Variants in SLC25A25 observed in about 807,000 individuals in gnomAD.
SLC25A25 encodes solute carrier family 25 member 25, also known as mitochondrial adenyl nucleotide antiporter SLC25A25.
Under a neutral mutation model 57.7 loss-of-function variants are expected in SLC25A25, and 32 were observed. The ratio of observed to expected loss-of-function variants is 0.55; its 90% CI spans 0.42 to 0.74. The LOEUF (loss-of-function observed/expected upper bound fraction) is 0.74, where lower values mean the gene tolerates loss of function less well. Among genes scored for constraint, SLC25A25 ranks in the 30% least tolerant of loss-of-function variants. The probability of loss-of-function intolerance (pLI) is 0.00; values close to 1 mark genes in which losing one functional copy is unlikely to be tolerated. For synonymous variants in SLC25A25, 306 were observed against 291.2 expected (o/e 1.05, Z -0.52); for missense variants, 556 against 701.3 (o/e 0.79, Z 2.34).
intron 1 of SLC25A25, among the ~76,000 whole-genome samples, chr9:128,084,260 ATTTTTTTTT>A (rs58266648): frequency 7.1e-6 from 1 of 140,310 alleles, no homozygotes; most frequent in Non-Finnish European, 1.5e-5. Context: ...ATTAAAACAG[ATTTTTTTTT>A]TTTTTTTTTT....
chr9:128,096,401 C>T (rs1833558889), intron 1 of SLC25A25, among the ~76,000 whole-genome samples: 1 of 152,054 alleles, frequency 6.6e-6, no homozygotes, highest in South Asian at 2.1e-4. Flanking sequence ...CTCAACTACT[C>T]GGGAGGCTGA....
In SLC25A25 at chr9:128,076,437, T is replaced by TA. The variant is rs1441309819; in HGVS notation, c.261+7857_261+7858insA. Among the ~76,000 whole-genome samples the TA allele has an allele frequency of 4.5e-3, 619 of 137,274 alleles. 16 individuals carry two copies. The highest frequency in any genetic ancestry group is 0.023 in the East Asian group (115 of 4,968). 90.1% of individuals were successfully genotyped at this position (137,274 alleles called of 152,430 possible). ...TGAGCCACCACGCCCAGCCTAACTTTTTTTTTATTTTTATTTTTATTTTTA... is the reference window on the plus strand; with the variant it reads ...TGAGCCACCACGCCCAGCCTAACTTTATTTTTTATTTTTATTTTTATTTTTA... On this transcript the variant is annotated intron_variant, in intron 1 of 10. Coordinates refer to ENST00000373069, the MANE Select transcript of SLC25A25 (RefSeq NM_001330988.2).
chr9:128,090,591 A>G (rs1395919106), intron 1 of SLC25A25, among the ~76,000 whole-genome samples: 1 of 150,734 alleles, frequency 6.6e-6, no homozygotes, highest in Admixed American at 6.6e-5. Flanking sequence ...TGGATGGATC[A>G]CTTGAGGTCA....
intron 1 of SLC25A25, among the ~76,000 whole-genome samples, chr9:128,096,402 G>A (rs901163929): frequency 2.0e-5 from 3 of 152,114 alleles, no homozygotes; most frequent in African/African-American, 4.8e-5. Flanking sequence ...TCAACTACTC[G>A]GGAGGCTGAG....
chr9:128,099,607 AG>A lies in SLC25A25; in HGVS notation c.262-1487del, dbSNP rs539079064. Among the ~76,000 whole-genome samples the A allele has an allele frequency of 1.3e-5, 2 of 152,228 alleles. No homozygotes were observed. Among genetic ancestry groups the A allele is most frequent in the African/African-American group, 4.8e-5 (2 of 41,458 alleles). ...CTTGTCTGAGAGCACAGATGTCCAC[AG>A]GAAGTTAAATGTAACCTCAGCAGAT... On this transcript the variant is annotated intron_variant, in intron 1 of 10. Transcript: ENST00000373069. The surrounding 1 kb of genome is among the most constrained non-coding windows in gnomAD (Gnocchi z 6.8).
intron 1 of SLC25A25, among the ~76,000 whole-genome samples, chr9:128,082,570 T>G (rs1833178143): frequency 6.6e-6 from 1 of 152,332 alleles, no homozygotes; most frequent in East Asian, 1.9e-4. Context: ...GTCTTCAAAC[T>G]CTTGACTCCT....
intron 6 of SLC25A25, among the ~76,000 whole-genome samples, chr9:128,104,477 A>C (rs958155701): frequency 1.3e-5 from 2 of 152,222 alleles, no homozygotes; most frequent in Non-Finnish European, 2.9e-5. Flanking sequence ...TCAGGGCAGA[A>C]TGCCTCGGGC....
At chr9:128,070,964 A>G (rs1381622309) in intron 1 of SLC25A25, among the ~76,000 whole-genome samples, 1 of 145,592 alleles carries the variant, frequency 6.9e-6, no homozygotes, top group Non-Finnish European at 1.5e-5. Context: ...AAAAAAAAAA[A>G]AAAAAAAAAG....
At chr9:128,068,823 G>A (rs970771327) in intron 1 of SLC25A25, among the ~76,000 whole-genome samples, 6 of 152,216 alleles carry the variant, frequency 3.9e-5, no homozygotes, top group African/African-American at 1.4e-4. Flanking sequence ...GCTTTCTGAT[G>A]GGCGAAAAGC....
rs1833892198 is a variant in SLC25A25 at position 128,103,527 on chromosome 9, G to A, written c.625-154G>A. On this transcript the variant is annotated intron_variant, in intron 5 of 10. Coordinates refer to ENST00000373069, the MANE Select transcript of SLC25A25 (RefSeq NM_001330988.2). The surrounding 1 kb of genome is among the most constrained non-coding windows in gnomAD (Gnocchi z 6.7). Reference sequence around the variant, plus strand: ...AGCTCTGCTACCTTCAGAGTGAAGGGAAAGACCCCAGCCCGCTTCCCACCC... The same window carrying A: ...AGCTCTGCTACCTTCAGAGTGAAGGAAAAGACCCCAGCCCGCTTCCCACCC... 6.6e-6 allele frequency among the ~76,000 whole-genome samples: 1 copy of A among 152,230 alleles called. No homozygotes were observed. Among genetic ancestry groups the A allele is most frequent in the East Asian group, 1.9e-4 (1 of 5,200 alleles).
chr9:128,094,077 G>C (rs1028110178), intron 1 of SLC25A25, among the ~76,000 whole-genome samples: 1 of 152,198 alleles, frequency 6.6e-6, no homozygotes, highest in African/African-American at 2.4e-5. Context: ...GAATCCAGGA[G>C]GCGGAGGTTG....
intron 1 of SLC25A25, among the ~76,000 whole-genome samples, chr9:128,093,070 T>TACC (rs1189825798): frequency 6.6e-6 from 1 of 152,248 alleles, no homozygotes; most frequent in Non-Finnish European, 1.5e-5. Context: ...ACATTATAGA[T>TACC]ACCACAGAGA....
chr9:128,079,409 CAAA>C (rs375501116), intron 1 of SLC25A25, among the ~76,000 whole-genome samples: 4 of 59,796 alleles, frequency 6.7e-5, no homozygotes, highest in Non-Finnish European at 1.3e-4. Flanking sequence ...CTGCTGATGC[CAAA>C]AAAAAAAAAA....
chr9:128,101,764 G>T lies in SLC25A25; in HGVS notation c.477-316G>T, dbSNP rs538904954. The stretch of plus-strand genomic sequence containing the variant: ...CCAGGTGAATTTCTTCCCCATGCTG[G>T]TAACTTGCACTTAACACTTTAGTCA... On this transcript the variant is annotated intron_variant, in intron 3 of 10. Transcript: ENST00000373069. The surrounding 1 kb of genome is among the most constrained non-coding windows in gnomAD (Gnocchi z 4.9). 1.7e-4 allele frequency among the ~76,000 whole-genome samples: 26 copies of T among 152,334 alleles called. No homozygotes were observed. Among genetic ancestry groups the T allele is most frequent in the South Asian group, 1.7e-3 (8 of 4,828 alleles).
rs1001920991 is a variant in SLC25A25 at position 128,069,463 on chromosome 9, C to T, written c.261+883C>T. 2.0e-5 allele frequency among the ~76,000 whole-genome samples: 3 copies of T among 152,040 alleles called. No homozygotes were observed. The East Asian group carries it at 5.8e-4, about 29-fold the overall frequency. On this transcript the variant is annotated intron_variant, in intron 1 of 10. Coordinates refer to ENST00000373069, the MANE Select transcript of SLC25A25 (RefSeq NM_001330988.2). Reference sequence around the variant, plus strand: ...CTGATTTACAGCCTGGAATAGGACTCCTGAGTACTTTACCTAAGAACCTGT... The same window carrying T: ...CTGATTTACAGCCTGGAATAGGACTTCTGAGTACTTTACCTAAGAACCTGT...
intron 1 of SLC25A25, among the ~76,000 whole-genome samples, chr9:128,076,586 C>T (rs1369855808): frequency 6.6e-6 from 1 of 151,920 alleles, no homozygotes; most frequent in African/African-American, 2.4e-5. Context: ...CTGCCTCAGC[C>T]TCCCCAGTAG....
At chr9:128,088,835 A>C (rs1436060683) in intron 1 of SLC25A25, among the ~76,000 whole-genome samples, 1 of 152,202 alleles carries the variant, frequency 6.6e-6, no homozygotes, top group African/African-American at 2.4e-5. Flanking sequence ...GATTTCTCTT[A>C]TGTGTGTAGA....
At chr9:128,104,793 T>G (rs1239198126) in intron 6 of SLC25A25, among the ~76,000 whole-genome samples, 1 of 151,270 alleles carries the variant, frequency 6.6e-6, no homozygotes. Context: ...TTAATATGTC[T>G]TAAGTTTTTT....
intron 1 of SLC25A25, among the ~76,000 whole-genome samples, chr9:128,087,988 A>C (rs1438922124): frequency 6.6e-6 from 1 of 152,158 alleles, no homozygotes; most frequent in Non-Finnish European, 1.5e-5. Context: ...TCTATCATAC[A>C]TGTCATTTCT....
Sources: allele counts gnomAD v4.1 joint callset (sites outside exome capture counted in the v4.1 genomes callset), GRCh38; gene constraint gnomAD v4.1.1; non-coding constraint Gnocchi (gnomAD v3.1); transcripts MANE v1.5; gene names NCBI Gene and HGNC (gene_info 2026-07-23, HGNC 2026-07-21).